The following PCDHA2 variants were observed in gnomAD, a reference collection of about 807,000 sequenced individuals.
The protein encoded by PCDHA2 is protocadherin alpha-2.
In PCDHA2, 58 loss-of-function variants were observed where a neutral mutation model predicts 66.0. The ratio of observed to expected loss-of-function variants is 0.88; its 90% CI spans 0.71 to 1.09. The LOEUF (loss-of-function observed/expected upper bound fraction) is 1.09, where lower values mean the gene tolerates loss of function less well. Ranked by LOEUF, PCDHA2 falls within the 50% of genes least tolerant of loss-of-function variation. The pLI, the probability that PCDHA2 is intolerant of heterozygous loss-of-function variation, is 0.00. For synonymous variants in PCDHA2, 634 were observed against 554.0 expected (o/e 1.14, Z -2.03); for missense variants, 1,267 against 1,242.3 (o/e 1.02, Z -0.30).
At chr5:140,899,111 A>G (rs2067143820) in intron 1 of PCDHA2, among the ~76,000 whole-genome samples, 1 of 152,186 alleles carries the variant, frequency 6.6e-6, no homozygotes, top group Admixed American at 6.5e-5. Context: ...GGGGTTTTCT[A>G]GATATACAAT....
chr5:140,988,495 G>GT (rs2097300130), intron 3 of PCDHA2, among the ~76,000 whole-genome samples: 1 of 152,158 alleles, frequency 6.6e-6, no homozygotes, highest in Non-Finnish European at 1.5e-5. Context: ...CTACCTAGGA[G>GT]AAGCCATGAA....
intron 1 of PCDHA2, chr5:140,823,652 A>G: frequency 6.2e-7 from 1 of 1,613,972 alleles, no homozygotes; most frequent in Non-Finnish European, 8.5e-7. Context: ...GTGGGGCTGT[A>G]CACAGGCGAG....
At chr5:140,855,743 G>A (rs2043601940) in intron 1 of PCDHA2, 1 of 316,702 alleles carries the variant, frequency 3.2e-6, no homozygotes, top group African/African-American at 2.1e-5. Flanking sequence ...GAGACGTAAT[G>A]TGAGGCTTTG....
At chr5:140,807,148 G>A (rs1554123753) in intron 1 of PCDHA2, 1 of 1,578,228 alleles carries the variant, frequency 6.3e-7, no homozygotes, top group East Asian at 2.2e-5. Context: ...TTGACTTTGA[G>A]AAACGATATT....
At chr5:140,829,334 C>T (rs1554131892) in intron 1 of PCDHA2, 1 of 1,614,112 alleles carries the variant, frequency 6.2e-7, no homozygotes, top group South Asian at 1.1e-5. Flanking sequence ...TGCCCTGGAC[C>T]GCGAGAGCGT....
chr5:140,803,832 G>A, intron 1 of PCDHA2: 1 of 621,098 alleles, frequency 1.6e-6, no homozygotes, highest in African/African-American at 1.8e-5. Flanking sequence ...TGCAGTAGTA[G>A]AATTATTTTA....
At chr5:140,830,163 C>A in intron 1 of PCDHA2, 1 of 1,613,430 alleles carries the variant, frequency 6.2e-7, no homozygotes, top group Non-Finnish European at 8.5e-7. Flanking sequence ...GGCCCAGAGG[C>A]GGCGCTGGTG....
intron 1 of PCDHA2, chr5:140,823,962 C>T (rs781985847): frequency 6.8e-6 from 11 of 1,614,026 alleles, no homozygotes; most frequent in Non-Finnish European, 9.3e-6. Context: ...CCACCGAGGC[C>T]GTGTGCACAC....
intron 1 of PCDHA2, among the ~76,000 whole-genome samples, chr5:140,901,931 C>G (rs2068990642): frequency 6.6e-6 from 1 of 151,430 alleles, no homozygotes; most frequent in Non-Finnish European, 1.5e-5. Context: ...TGGTTAATTC[C>G]TAGGTATATT....
At chr5:140,942,949 G>A (rs1183072564) in intron 1 of PCDHA2, among the ~76,000 whole-genome samples, 10 of 151,942 alleles carry the variant, frequency 6.6e-5, no homozygotes, top group Admixed American at 1.3e-4. Flanking sequence ...AAGTGTAGAC[G>A]TTCTGTTATC....
intron 1 of PCDHA2, among the ~76,000 whole-genome samples, chr5:140,920,911 G>C (rs1290667252): frequency 6.6e-6 from 1 of 150,718 alleles, no homozygotes; most frequent in African/African-American, 2.4e-5. Context: ...TCTCAAATCA[G>C]TTCCAAGAGT....
At chr5:140,966,971 C>G (rs375161984) in intron 1 of PCDHA2, 1 of 1,602,808 alleles carries the variant, frequency 6.2e-7, no homozygotes, top group Non-Finnish European at 8.5e-7. Flanking sequence ...GGGGCTTGAG[C>G]TGCGGCGCTT....
At position 140,846,681 on chromosome 5, in the gene PCDHA2, C is replaced by T. The variant is rs1425082989; in HGVS notation, c.2388+49329C>T. Reference sequence around the variant, plus strand: ...GAGCCACCGCGCCCAGCCTAAAATGCTTTCTTAGCAAGTAGAGAAGATTGT... The same window carrying T: ...GAGCCACCGCGCCCAGCCTAAAATGTTTTCTTAGCAAGTAGAGAAGATTGT... On this transcript the variant is annotated intron_variant, in intron 1 of 3. Coordinates refer to ENST00000526136, the MANE Select transcript of PCDHA2 (RefSeq NM_018905.3). Among the ~76,000 whole-genome samples, 2 of 149,174 alleles carry T rather than the reference C, an allele frequency of 1.3e-5. 1 individual carries two copies. The highest frequency in any genetic ancestry group is 1.3e-4 in the Admixed American group (2 of 14,874).
intron 1 of PCDHA2, among the ~76,000 whole-genome samples, chr5:140,974,558 C>A (rs984567503): frequency 4.5e-4 from 68 of 152,132 alleles, no homozygotes; most frequent in African/African-American, 1.6e-3. Context: ...GTTGCCCAGG[C>A]TGGAGTGCAA....
At chr5:140,869,419 C>T (rs782550413) in intron 1 of PCDHA2, 4 of 1,614,078 alleles carry the variant, frequency 2.5e-6, no homozygotes, top group Non-Finnish European at 3.4e-6. Context: ...CAGCATCCAC[C>T]TGGAGGTGAT....
intron 1 of PCDHA2, among the ~76,000 whole-genome samples, chr5:140,924,152 C>A (rs1163487854): frequency 6.6e-6 from 1 of 152,176 alleles, no homozygotes. Flanking sequence ...TGAAGAAATG[C>A]ACATCCTAAT....
chr5:140,805,480 G>A, intron 1 of PCDHA2: 1 of 996,600 alleles, frequency 1.0e-6, no homozygotes, highest in Non-Finnish European at 1.2e-6. Context: ...CAATAGAGAG[G>A]GAGCGTAAAG....
At chr5:140,875,463 A>G in intron 1 of PCDHA2, 1 of 1,599,288 alleles carries the variant, frequency 6.3e-7, no homozygotes, top group Non-Finnish European at 8.5e-7. Context: ...AGAGGCCCTC[A>G]TTTTCTGCAA....
At chr5:140,830,537 G>A (rs2150187557) in intron 1 of PCDHA2, 1 of 1,226,140 alleles carries the variant, frequency 8.2e-7, no homozygotes, top group Non-Finnish European at 1.1e-6. Flanking sequence ...ATTTATAATT[G>A]TTTTCCTCAT....
Sources: allele counts gnomAD v4.1 joint callset (sites outside exome capture counted in the v4.1 genomes callset), GRCh38; gene constraint gnomAD v4.1.1; transcripts MANE v1.5; gene names NCBI Gene and HGNC (gene_info 2026-07-23, HGNC 2026-07-21).